The following CDK6 variants were observed in gnomAD, a reference collection of about 807,000 sequenced individuals.
CDK6 encodes cyclin-dependent kinase 6.
CDK6 carries 6 observed loss-of-function variants against 37.1 expected under a neutral mutation model. The observed-to-expected ratio is 0.16, with a 90% CI of 0.09 to 0.32. The LOEUF is 0.32. Among genes scored for constraint, CDK6 ranks in the 10% least tolerant of loss-of-function variants. The pLI, the probability that CDK6 is intolerant of heterozygous loss-of-function variation, is 1.00. For missense variants in CDK6, 224 were observed against 418.9 expected (o/e 0.53, Z 4.06); for synonymous variants, 160 against 161.3 (o/e 0.99, Z 0.06).
At chr7:92,749,512 A>C (rs556950728) in intron 3 of CDK6, among the ~76,000 whole-genome samples, 10 of 152,280 alleles carry the variant, frequency 6.6e-5, no homozygotes, top group African/African-American at 2.4e-4. Flanking sequence ...CAAAAGATCA[A>C]CTGAGAAAAA....
chr7:92,762,421 C>A (rs893543552), intron 3 of CDK6, among the ~76,000 whole-genome samples: 2 of 152,064 alleles, frequency 1.3e-5, no homozygotes, highest in East Asian at 1.9e-4. Context: ...AGCTTTTATA[C>A]CATCTTAGTC....
chr7:92,771,613 T>C (rs1799720793), intron 3 of CDK6, among the ~76,000 whole-genome samples: 1 of 152,206 alleles, frequency 6.6e-6, no homozygotes, highest in African/African-American at 2.4e-5. Context: ...TTATCTCTTC[T>C]CTTATACTCT....
intron 6 of CDK6, among the ~76,000 whole-genome samples, chr7:92,621,560 A>C (rs181140798): frequency 7.0e-4 from 107 of 152,348 alleles, no homozygotes; most frequent in Non-Finnish European, 1.3e-3. Context: ...GACTTTAGTC[A>C]AGATTCTCTT....
Position 92,802,106 on chromosome 7 carries a change from G to C in CDK6, c.234-27275C>G, listed in dbSNP as rs528700495. Among the ~76,000 whole-genome samples the C allele has an allele frequency of 1.4e-3, 210 of 151,696 alleles. 1 individual carries two copies. Among genetic ancestry groups the C allele is most frequent in the Non-Finnish European group, 2.6e-3 (177 of 67,942 alleles). ...TATACTGCATTGTGGTGAAGTCAGG[G>C]TCTTCAGTGCATCCATCACTGGTGC... On this transcript the variant is annotated intron_variant, in intron 2 of 7. Transcript: ENST00000424848.
At chr7:92,719,904 C>T (rs1178768445) in intron 4 of CDK6, among the ~76,000 whole-genome samples, 1 of 152,064 alleles carries the variant, frequency 6.6e-6, no homozygotes, top group East Asian at 1.9e-4. Flanking sequence ...TTGGGTGGTC[C>T]TTACAGTATT....
intron 5 of CDK6, among the ~76,000 whole-genome samples, chr7:92,632,654 A>G (rs1425994248): frequency 6.6e-6 from 1 of 152,154 alleles, no homozygotes; most frequent in Non-Finnish European, 1.5e-5. Context: ...TATTTACTGA[A>G]TTTATATTTT....
intron 3 of CDK6, among the ~76,000 whole-genome samples, chr7:92,730,704 A>T (rs1315994742): frequency 6.6e-6 from 1 of 152,186 alleles, no homozygotes; most frequent in Non-Finnish European, 1.5e-5. Flanking sequence ...TGTGGTGTGT[A>T]TCATAATTTC....
chr7:92,746,344 A>G (rs914516039), intron 3 of CDK6, among the ~76,000 whole-genome samples: 1 of 152,202 alleles, frequency 6.6e-6, no homozygotes, highest in South Asian at 2.1e-4. Flanking sequence ...AAAATGCTTT[A>G]AAGGCAAAGC....
chr7:92,767,535 C>T (rs1799612889), intron 3 of CDK6, among the ~76,000 whole-genome samples: 1 of 152,140 alleles, frequency 6.6e-6, no homozygotes. Flanking sequence ...GTTGTTAGAG[C>T]TCACTCACTC....
intron 6 of CDK6, among the ~76,000 whole-genome samples, chr7:92,620,113 A>G (rs1373543208): frequency 6.6e-6 from 1 of 152,172 alleles, no homozygotes; most frequent in Non-Finnish European, 1.5e-5. Flanking sequence ...AATATTTAAA[A>G]TCTTTTTTAT....
chr7:92,688,199 T>C (rs1053553985), intron 4 of CDK6, among the ~76,000 whole-genome samples: 5 of 152,180 alleles, frequency 3.3e-5, no homozygotes, highest in Non-Finnish European at 7.4e-5. Context: ...TGAACCATTT[T>C]ACACTCCCAC....
chr7:92,790,628 T>C (rs1392085583), intron 2 of CDK6, among the ~76,000 whole-genome samples: 2 of 152,186 alleles, frequency 1.3e-5, no homozygotes, highest in Admixed American at 6.6e-5. Flanking sequence ...TGCTGAGGTA[T>C]GTATGTCTGC....
intron 2 of CDK6, among the ~76,000 whole-genome samples, chr7:92,778,924 C>CATATATATATATATATATATATATATAT (rs145888983): frequency 4.6e-5 from 5 of 108,998 alleles, no homozygotes; most frequent in East Asian, 2.5e-4. Context: ...TATAGTTTAT[C>CATATATATATATATATATATATATATAT]ATATATATAT....
chr7:92,695,760 G>C (rs1412317915), intron 4 of CDK6, among the ~76,000 whole-genome samples: 1 of 152,242 alleles, frequency 6.6e-6, no homozygotes, highest in African/African-American at 2.4e-5. Flanking sequence ...CCCCTGGGTG[G>C]GGAAGGCAGG....
At chr7:92,674,430 T>A (rs1797160346) in intron 4 of CDK6, among the ~76,000 whole-genome samples, 1 of 152,210 alleles carries the variant, frequency 6.6e-6, no homozygotes, top group African/African-American at 2.4e-5. Flanking sequence ...AACACAACAA[T>A]AAGGGCTTAT....
In CDK6 at chr7:92,611,905, G is replaced by C. The variant is rs971720318; in HGVS notation, c.*3235C>G. 6.0e-5 allele frequency: 14 copies of C among 232,554 alleles called. No individual in the cohort carries two copies. The highest frequency in any genetic ancestry group is 1.7e-5 in the Non-Finnish European group (2 of 117,696). The allele number at this position is 232,554 out of a possible 1,614,324, so 14.4% of individuals were successfully genotyped here. A position where few individuals can be genotyped will look rare whatever the true frequency, so the allele number is the denominator to read the frequency against. On this transcript the variant is annotated 3_prime_UTR_variant, in exon 8 of 8. Coordinates refer to ENST00000424848, the MANE Select transcript of CDK6 (RefSeq NM_001145306.2). ...AGAGAAAATCATGAGAATACAGGGG[G>C]CTGAAATGGCCCCAAGCTTTCTTCC...
chr7:92,723,814 T>C (rs1798422196), intron 4 of CDK6, among the ~76,000 whole-genome samples: 1 of 151,404 alleles, frequency 6.6e-6, no homozygotes, highest in Non-Finnish European at 1.5e-5. Flanking sequence ...TTTTCCTCTA[T>C]GAAATAATTT....
chr7:92,782,533 G>C (rs1289086543), intron 2 of CDK6, among the ~76,000 whole-genome samples: 2 of 152,178 alleles, frequency 1.3e-5, no homozygotes, highest in South Asian at 2.1e-4. Flanking sequence ...TAGGACTTCT[G>C]GGAGAGTAAA....
At chr7:92,626,567 G>A (rs1264221453) in intron 5 of CDK6, among the ~76,000 whole-genome samples, 3 of 152,094 alleles carry the variant, frequency 2.0e-5, no homozygotes, top group Non-Finnish European at 2.9e-5. Context: ...AAGTGTTTTA[G>A]AAAGACTAAT....
Sources: gnomAD v4.1 joint callset for allele counts (sites outside exome capture counted in the v4.1 genomes callset) on GRCh38, gnomAD v4.1.1 for gene constraint, MANE v1.5 for transcripts, NCBI Gene and HGNC (gene_info 2026-07-23, HGNC 2026-07-21) for gene names.